Variants in HECTD4 observed in about 807,000 individuals in gnomAD.
HECTD4 encodes the protein probable E3 ubiquitin-protein ligase HECTD4.
A neutral mutation model predicts 471.5 loss-of-function variants in HECTD4; 114 were observed. The ratio of observed to expected loss-of-function variants is 0.24; its 90% CI spans 0.21 to 0.28. HECTD4 has a LOEUF of 0.28. Among genes scored for constraint, HECTD4 ranks in the 10% least tolerant of loss-of-function variants. The pLI, the probability that HECTD4 is intolerant of heterozygous loss-of-function variation, is 1.00. For synonymous variants in HECTD4, 2,012 were observed against 2,256.0 expected (o/e 0.89, Z 3.07); for missense variants, 3,866 against 5,651.5 (o/e 0.68, Z 10.13).
At chr12:112,284,922 C>T (rs754809708) in intron 7 of HECTD4, among the ~76,000 whole-genome samples, 2 of 152,100 alleles carry the variant, frequency 1.3e-5, no homozygotes, top group Non-Finnish European at 2.9e-5. Context: ...CCTCAATCTC[C>T]CCAGGCTCAG....
intron 7 of HECTD4, among the ~76,000 whole-genome samples, chr12:112,303,553 G>C (rs1329965905): frequency 6.6e-6 from 1 of 152,152 alleles, no homozygotes; most frequent in Non-Finnish European, 1.5e-5. Context: ...GGCGGAATCA[G>C]AAAAGAAAGA....
At chr12:112,201,297 G>A in intron 54 of HECTD4, 1 of 281,234 alleles carries the variant, frequency 3.6e-6, no homozygotes, top group Non-Finnish European at 7.0e-6. Flanking sequence ...TCACCATGTT[G>A]GCCAGGCTGG....
chr12:112,207,936 C>T lies in HECTD4; in HGVS notation c.8069G>A (p.Arg2690His). Reference sequence around the variant, plus strand: ...TTTCCGCTCTGCTTCATTGCGGAAGCGTCTTCGGATGGTAGGAAAAACCTT... The same window carrying T: ...TTTCCGCTCTGCTTCATTGCGGAAGTGTCTTCGGATGGTAGGAAAAACCTT... ...ETKVFPTIRR[R>H]FRNEAERKSG... The change falls in exon 52 of 76, where the codon CGC becomes CAC. Residue 2690 changes from arginine (R) to histidine (H), a missense_variant. Arg to His is a conservative substitution (Grantham distance 29, BLOSUM62 0). Coordinates refer to ENST00000682272, the MANE Select transcript of HECTD4 (RefSeq NM_001388303.1). The T allele has an allele frequency of 6.2e-7, 1 of 1,613,864 alleles. No homozygotes were observed. The highest frequency in any genetic ancestry group is 8.5e-7 in the Non-Finnish European group (1 of 1,179,834).
intron 1 of HECTD4, among the ~76,000 whole-genome samples, chr12:112,379,784 T>C (rs1356540334): frequency 6.6e-6 from 1 of 151,638 alleles, no homozygotes; most frequent in Non-Finnish European, 1.5e-5. Flanking sequence ...AAAAACATTC[T>C]TAGCTATCTA....
intron 50 of HECTD4, among the ~76,000 whole-genome samples, chr12:112,209,397 A>G (rs2032694802): frequency 6.6e-6 from 1 of 150,890 alleles, no homozygotes; most frequent in East Asian, 1.9e-4. Context: ...CACGATCTCA[A>G]CTCACTGCAA....
At chr12:112,330,788 A>G (rs2035831415) in intron 1 of HECTD4, among the ~76,000 whole-genome samples, 1 of 152,190 alleles carries the variant, frequency 6.6e-6, no homozygotes. Flanking sequence ...CATCTGAGTA[A>G]TCCTCTCCCA....
Position 112,256,532 on chromosome 12 carries a change from G to A in HECTD4, c.3129-14C>T. 2 of 1,510,886 alleles carry A rather than the reference G, an allele frequency of 1.3e-6. No individual in the cohort carries two copies. The highest frequency in any genetic ancestry group is 1.8e-6 in the Non-Finnish European group (2 of 1,131,726). 93.6% of individuals were successfully genotyped at this position (1,510,886 alleles called of 1,614,324 possible). ...TCTTCTAACATTCTAAACAGAAAAA[G>A]AGAAAGTGATTTAGCTTAGCAGCCA... On this transcript the variant is annotated splice_polypyrimidine_tract_variant and intron_variant, in intron 20 of 75. Transcript: ENST00000682272.
At chr12:112,199,923 G>C (rs2032367487) in intron 55 of HECTD4, among the ~76,000 whole-genome samples, 1 of 152,210 alleles carries the variant, frequency 6.6e-6, no homozygotes, top group Non-Finnish European at 1.5e-5. Flanking sequence ...TTCTTGTGAT[G>C]TTGACAATTT....
chr12:112,283,907 C>G lies in HECTD4; in HGVS notation c.1336-605G>C, dbSNP rs889021784. ...AGTGGTGACTCCAAAATTCCTTCACCAATTTTGAGCTTGACTTTCAGCAGA... is the reference window on the plus strand; with the variant it reads ...AGTGGTGACTCCAAAATTCCTTCACGAATTTTGAGCTTGACTTTCAGCAGA... On this transcript the variant is annotated intron_variant, in intron 7 of 75. Coordinates refer to ENST00000682272, the MANE Select transcript of HECTD4 (RefSeq NM_001388303.1). 2.0e-5 allele frequency among the ~76,000 whole-genome samples: 3 copies of G among 151,546 alleles called. No individual in the cohort carries two copies. The South Asian group carries it at 6.3e-4, about 32-fold the overall frequency.
chr12:112,322,540 G>C (rs1421627664), intron 1 of HECTD4: 1 of 152,626 alleles, frequency 6.6e-6, no homozygotes, highest in Admixed American at 6.5e-5. Flanking sequence ...AAACAGGAAG[G>C]TGGGGCTCGT....
At chr12:112,223,187 G>C (rs1313843773) in intron 44 of HECTD4, among the ~76,000 whole-genome samples, 5 of 152,184 alleles carry the variant, frequency 3.3e-5, no homozygotes, top group Admixed American at 3.3e-4. Context: ...TGCTTCCCAG[G>C]AGTTCTGAGG....
At chr12:112,260,579 ATTT>A (rs1170545268) in intron 18 of HECTD4, among the ~76,000 whole-genome samples, 1 of 144,096 alleles carries the variant, frequency 6.9e-6, no homozygotes. Context: ...CCAGAGCAGA[ATTT>A]TTTTTTTTTT....
Position 112,162,483 on chromosome 12 carries a change from C to G in HECTD4, c.13161G>C (p.Met4387Ile), listed in dbSNP as rs2030726865. The part of the protein sequence containing the change: ...DSRYIRVETC[M>I]FMIKLPQYSS... ...AGTACTGGGGAAGCTTGATCATGAACATGCAGGTCTCCACGCGGATGTAGC... is the reference window on the plus strand; with the variant it reads ...AGTACTGGGGAAGCTTGATCATGAAGATGCAGGTCTCCACGCGGATGTAGC... Residue 4387 changes from methionine to isoleucine, a missense_variant, in exon 76 of 76, where the codon ATG (methionine) becomes ATC (isoleucine). By Grantham distance (10) the Met-to-Ile change is conservative. This residue lies in a region of HECTD4 where 715 missense variants were observed against 1,087.6 expected (regional missense o/e 0.66). Transcript: ENST00000682272. The surrounding 1 kb of genome is among the most constrained non-coding windows in gnomAD (Gnocchi z 5.2). 1 of 1,614,032 alleles carries G rather than the reference C, an allele frequency of 6.2e-7. No individual in the cohort carries two copies. Among genetic ancestry groups the G allele is most frequent in the Non-Finnish European group, 8.5e-7 (1 of 1,179,890 alleles).
intron 61 of HECTD4, among the ~76,000 whole-genome samples, chr12:112,183,951 C>T (rs894715863): frequency 6.6e-6 from 1 of 152,200 alleles, no homozygotes; most frequent in Non-Finnish European, 1.5e-5. Context: ...GCCCACCCAC[C>T]GCGGAAGGCC....
intron 55 of HECTD4, among the ~76,000 whole-genome samples, chr12:112,198,113 G>T (rs1176610201): frequency 6.6e-6 from 1 of 152,222 alleles, no homozygotes; most frequent in African/African-American, 2.4e-5. Flanking sequence ...GGGATTACAG[G>T]TGCAAGCCGC....
At position 112,251,084 on chromosome 12, in the gene HECTD4, A is replaced by C; in HGVS notation, c.3603T>G (p.Ala1201=). Residue 1201 remains alanine (A), a synonymous_variant, in exon 24 of 76, where the codon GCT becomes GCG. Coordinates refer to ENST00000682272, the MANE Select transcript of HECTD4 (RefSeq NM_001388303.1). The stretch of plus-strand genomic sequence containing the variant: ...AACAAGCTAACACAGACAGACCTAA[A>C]GCCAGGTCTACCAGAAAGGGCAAGC... ...SGGLPFLVDL[A]LGLSVLACSM... is the part of the protein sequence containing the mutation. The C allele has an allele frequency of 1.2e-6, 2 of 1,614,030 alleles. No homozygotes were observed. Among genetic ancestry groups the C allele is most frequent in the Non-Finnish European group, 8.5e-7 (1 of 1,179,882 alleles).
chr12:112,248,039 C>G, intron 27 of HECTD4, 28 bp downstream of exon 27: 1 of 1,518,780 alleles, frequency 6.6e-7, no homozygotes, highest in Non-Finnish European at 9.1e-7. Flanking sequence ...TGGCAATACC[C>G]CAGTGACAAA....
At chr12:112,359,781 T>C (rs1170827471) in intron 1 of HECTD4, among the ~76,000 whole-genome samples, 3 of 152,076 alleles carry the variant, frequency 2.0e-5, no homozygotes, top group Non-Finnish European at 4.4e-5. Flanking sequence ...AGCATGATGA[T>C]AGCTCACTGC....
At chr12:112,257,714 C>T (rs1464121413) in intron 20 of HECTD4, among the ~76,000 whole-genome samples, 1 of 152,172 alleles carries the variant, frequency 6.6e-6, no homozygotes, top group East Asian at 1.9e-4. Context: ...GACTATATCA[C>T]AATTTGCTTA....
Sources: allele counts gnomAD v4.1 joint callset (sites outside exome capture counted in the v4.1 genomes callset), GRCh38; gene constraint gnomAD v4.1.1; regional missense constraint gnomAD v4.1.1; non-coding constraint Gnocchi (gnomAD v3.1); transcripts MANE v1.5; gene names NCBI Gene and HGNC (gene_info 2026-07-23, HGNC 2026-07-21).